Variants in ASIC2 observed in about 807,000 individuals in gnomAD.
ASIC2 encodes the protein acid sensing ion channel subunit 2.
Under a neutral mutation model 57.3 loss-of-function variants are expected in ASIC2, and 25 were observed. That is an observed-to-expected ratio of 0.44 (90% CI 0.32 to 0.61). The LOEUF (loss-of-function observed/expected upper bound fraction) is 0.61, where lower values mean the gene tolerates loss of function less well. ASIC2 is among the 20% of genes least tolerant of loss of function. ASIC2 has a pLI of 0.06. For missense variants in ASIC2, 641 were observed against 738.1 expected, an observed-to-expected ratio of 0.87 and a Z score of 1.52; for synonymous variants, 319 against 307.5, an observed-to-expected ratio of 1.04 and a Z score of -0.39.
At chr17:33,672,612 T>C (rs1364909854) in intron 1 of ASIC2, among the ~76,000 whole-genome samples, 1 of 152,222 alleles carries the variant, frequency 6.6e-6, no homozygotes, top group African/African-American at 2.4e-5. Context: ...CCTAATATTT[T>C]GTTTCTTAAT....
chr17:33,830,240 A>C (rs993138786), intron 1 of ASIC2, among the ~76,000 whole-genome samples: 1 of 152,178 alleles, frequency 6.6e-6, no homozygotes, highest in African/African-American at 2.4e-5. Context: ...TCACCTCATC[A>C]GTAACTTGTA....
At chr17:33,682,917 C>T (rs762335528) in intron 1 of ASIC2, among the ~76,000 whole-genome samples, 78 of 152,188 alleles carry the variant, frequency 5.1e-4, no homozygotes, top group Non-Finnish European at 2.4e-4. Flanking sequence ...AACATCTGCC[C>T]ACAGCTCCCA....
In ASIC2 at chr17:33,540,418, G is replaced by A. The variant is rs188213755; in HGVS notation, c.556-428351C>T. ...GGACTTCAATATATTTTGGAGGGGGGCACAATTCAACTCATCACAGCACTT... is the reference window on the plus strand; with the variant it reads ...GGACTTCAATATATTTTGGAGGGGGACACAATTCAACTCATCACAGCACTT... On this transcript the variant is annotated intron_variant, in intron 1 of 9. Transcript: ENST00000359872. Among the ~76,000 whole-genome samples the A allele has an allele frequency of 2.4e-3, 372 of 152,178 alleles. 4 individuals are homozygous for A. Among genetic ancestry groups the A allele is most frequent in the Non-Finnish European group, 7.8e-4 (53 of 68,006 alleles).
chr17:33,291,080 G>T, intron 1 of ASIC2: 1 of 340,682 alleles, frequency 2.9e-6, no homozygotes, highest in South Asian at 1.1e-4. Flanking sequence ...AGGGCCTGGA[G>T]TTGAGGTCGG....
At chr17:33,119,979 G>A (rs966503297) in intron 1 of ASIC2, among the ~76,000 whole-genome samples, 9 of 152,254 alleles carry the variant, frequency 5.9e-5, no homozygotes, top group Non-Finnish European at 8.8e-5. Flanking sequence ...TGAACGCTCC[G>A]TCTGTTAAGG....
chr17:33,758,587 C>T (rs1206622034), intron 1 of ASIC2, among the ~76,000 whole-genome samples: 7 of 152,076 alleles, frequency 4.6e-5, no homozygotes, highest in Non-Finnish European at 7.4e-5. Flanking sequence ...GGGCTCTGCC[C>T]TCATGAATGG....
intron 3 of ASIC2, among the ~76,000 whole-genome samples, chr17:33,055,698 T>C (rs1401250995): frequency 6.6e-6 from 1 of 152,184 alleles, no homozygotes; most frequent in African/African-American, 2.4e-5. Context: ...GGACGCCCTT[T>C]CTTTTTTTAA....
intron 1 of ASIC2, among the ~76,000 whole-genome samples, chr17:33,543,907 CA>C (rs1430770906): frequency 1.3e-5 from 2 of 152,164 alleles, no homozygotes; most frequent in Non-Finnish European, 2.9e-5. Flanking sequence ...GTAAAGTTTA[CA>C]TTTTTTGAGA....
intron 1 of ASIC2, among the ~76,000 whole-genome samples, chr17:33,892,185 A>G (rs1028926846): frequency 6.6e-6 from 1 of 152,248 alleles, no homozygotes; most frequent in Non-Finnish European, 1.5e-5. Flanking sequence ...TGAACAAGAA[A>G]GAGAATAAAT....
At chr17:33,021,162 T>TCCCCAC in intron 7 of ASIC2, 57 bp downstream of exon 7, 1 of 694,010 alleles carries the variant, frequency 1.4e-6, no homozygotes, top group Non-Finnish European at 2.6e-6. Flanking sequence ...CTGTGCATCC[T>TCCCCAC]CCCTCCCTCC....
chr17:33,484,451 T>C (rs1913512699), intron 1 of ASIC2, among the ~76,000 whole-genome samples: 1 of 152,180 alleles, frequency 6.6e-6, no homozygotes, highest in African/African-American at 2.4e-5. Context: ...GATAATTTTG[T>C]CTAGTAGCCA....
intron 1 of ASIC2, among the ~76,000 whole-genome samples, chr17:33,328,922 C>T (rs1907190364): frequency 1.3e-5 from 2 of 152,316 alleles, no homozygotes; most frequent in South Asian, 2.1e-4. Flanking sequence ...TGAATGTTTT[C>T]AAACACCTTT....
At chr17:33,554,227 G>A (rs1022322474) in intron 1 of ASIC2, among the ~76,000 whole-genome samples, 3 of 152,110 alleles carry the variant, frequency 2.0e-5, no homozygotes, top group African/African-American at 7.2e-5. Context: ...AGTGTTATTT[G>A]ATTGTGTTGA....
At chr17:33,288,481 G>A (rs1407149695) in intron 1 of ASIC2, among the ~76,000 whole-genome samples, 1 of 152,066 alleles carries the variant, frequency 6.6e-6, no homozygotes, top group Non-Finnish European at 1.5e-5. Flanking sequence ...CCAGGTGGAG[G>A]GTCTGAGGAG....
intron 1 of ASIC2, among the ~76,000 whole-genome samples, chr17:33,358,109 T>C (rs913037368): frequency 1.3e-5 from 2 of 152,222 alleles, no homozygotes; most frequent in Non-Finnish European, 2.9e-5. Context: ...CCACCTGTTT[T>C]TGTACAGTCT....
chr17:33,614,143 G>A (rs1905518396), intron 1 of ASIC2, among the ~76,000 whole-genome samples: 1 of 152,126 alleles, frequency 6.6e-6, no homozygotes, highest in Admixed American at 6.5e-5. Flanking sequence ...GTTGAAAAAT[G>A]GCATATTATT....
At chr17:33,559,384 G>A (rs1229267933) in intron 1 of ASIC2, among the ~76,000 whole-genome samples, 2 of 152,162 alleles carry the variant, frequency 1.3e-5, no homozygotes, top group African/African-American at 4.8e-5. Context: ...TCTGGTCAGT[G>A]GGAATGTCAT....
intron 2 of ASIC2, among the ~76,000 whole-genome samples, chr17:33,111,049 A>G (rs1031811550): frequency 1.3e-5 from 2 of 152,144 alleles, no homozygotes; most frequent in Non-Finnish European, 2.9e-5. Flanking sequence ...AGAGGCTACC[A>G]TCACTCCTTG....
At chr17:33,490,824 A>G (rs4459594) in intron 1 of ASIC2, among the ~76,000 whole-genome samples, 81,360 of 152,088 alleles carry the variant, frequency 0.53, 22,934 homozygotes, top group Non-Finnish European at 0.64. Context: ...AAATTTCCAC[A>G]TGGAGTCTTA....
Sources: gnomAD v4.1 joint callset for allele counts (sites outside exome capture counted in the v4.1 genomes callset) on GRCh38, gnomAD v4.1.1 for gene constraint, MANE v1.5 for transcripts, NCBI Gene and HGNC (gene_info 2026-07-23, HGNC 2026-07-21) for gene names.